Variants in PKNOX2 observed in about 807,000 individuals in gnomAD.
PKNOX2 encodes the protein homeobox protein PKNOX2.
Under a neutral mutation model 53.1 loss-of-function variants are expected in PKNOX2, and 14 were observed. The ratio of observed to expected loss-of-function variants is 0.26; its 90% CI spans 0.17 to 0.41. The LOEUF (loss-of-function observed/expected upper bound fraction) is 0.41, where lower values mean the gene tolerates loss of function less well. PKNOX2 is among the 10% of genes least tolerant of loss of function. The probability of loss-of-function intolerance (pLI) is 1.00; values close to 1 mark genes in which losing one functional copy is unlikely to be tolerated. For synonymous variants in PKNOX2, 257 were observed against 242.8 expected, an observed-to-expected ratio of 1.06 and a Z score of -0.54; for missense variants, 496 against 602.8, an observed-to-expected ratio of 0.82 and a Z score of 1.85.
intron 2 of PKNOX2, among the ~76,000 whole-genome samples, chr11:125,310,919 T>C (rs1213390268): frequency 1.3e-5 from 2 of 152,178 alleles, no homozygotes; most frequent in African/African-American, 4.8e-5. Flanking sequence ...GGTAACCTCA[T>C]ATGTCTGCCC....
intron 1 of PKNOX2, among the ~76,000 whole-genome samples, chr11:125,184,926 C>T (rs557958939): frequency 1.2e-4 from 18 of 152,326 alleles, no homozygotes; most frequent in African/African-American, 2.6e-4. Context: ...GGGTAGGCAA[C>T]GTCCAGGGCT....
At chr11:125,335,641 T>G (rs1483548704) in intron 3 of PKNOX2, among the ~76,000 whole-genome samples, 1 of 152,140 alleles carries the variant, frequency 6.6e-6, no homozygotes. Flanking sequence ...TCTTATCTAC[T>G]GCAAAAAGAG....
At chr11:125,229,731 C>T (rs973811611) in intron 1 of PKNOX2, among the ~76,000 whole-genome samples, 9 of 152,082 alleles carry the variant, frequency 5.9e-5, no homozygotes, top group Admixed American at 2.0e-4. Context: ...ATTAGTAAGT[C>T]TTGGGTCTTG....
At chr11:125,379,209 T>C (rs1283618245) in intron 5 of PKNOX2, among the ~76,000 whole-genome samples, 1 of 151,912 alleles carries the variant, frequency 6.6e-6, no homozygotes, top group African/African-American at 2.4e-5. Context: ...TAAAGGCACG[T>C]GCCACCATGT....
chr11:125,173,155 C>T (rs1955448144), intron 1 of PKNOX2, among the ~76,000 whole-genome samples: 2 of 152,152 alleles, frequency 1.3e-5, no homozygotes, highest in South Asian at 4.1e-4. Context: ...TTTAAGACTG[C>T]TGTGAAAACT....
intron 2 of PKNOX2, among the ~76,000 whole-genome samples, chr11:125,272,217 G>T (rs1223738454): frequency 6.6e-6 from 1 of 152,202 alleles, no homozygotes; most frequent in East Asian, 1.9e-4. Context: ...TGTGAGGAAA[G>T]CTCTCCAGGT....
At chr11:125,246,857 C>G (rs1331327071) in intron 2 of PKNOX2, among the ~76,000 whole-genome samples, 2 of 152,116 alleles carry the variant, frequency 1.3e-5, no homozygotes, top group African/African-American at 2.4e-5. Flanking sequence ...GATGGGCAAC[C>G]CCTGCTTCAG....
At chr11:125,170,814 G>A (rs1591467455) in intron 1 of PKNOX2, among the ~76,000 whole-genome samples, 1 of 151,882 alleles carries the variant, frequency 6.6e-6, no homozygotes, top group African/African-American at 2.4e-5. Flanking sequence ...TGGCTGGAAT[G>A]TGGAGAAAAG....
At position 125,422,313 on chromosome 11, in the gene PKNOX2, A is replaced by G. The variant is rs1313621120; in HGVS notation, c.937-6699A>G. Among the ~76,000 whole-genome samples the G allele has an allele frequency of 1.3e-5, 2 of 152,126 alleles. No homozygotes were observed. Among genetic ancestry groups the G allele is most frequent in the African/African-American group, 2.4e-5 (1 of 41,412 alleles). Reference sequence around the variant, plus strand: ...CTTTAGTGTACGGCTACCAGGAGGAAGGAGGTCAGGCCAGCTGGGTTCTTG... The same window carrying G: ...CTTTAGTGTACGGCTACCAGGAGGAGGGAGGTCAGGCCAGCTGGGTTCTTG... On this transcript the variant is annotated intron_variant, in intron 10 of 12. Transcript: ENST00000298282. The surrounding 1 kb of genome is among the most constrained non-coding windows in gnomAD (Gnocchi z 4.1).
chr11:125,335,111 C>T (rs997022841), intron 3 of PKNOX2, among the ~76,000 whole-genome samples: 1 of 152,168 alleles, frequency 6.6e-6, no homozygotes, highest in African/African-American at 2.4e-5. Flanking sequence ...ATTAAAACTG[C>T]TTCTTTCCCA....
intron 10 of PKNOX2, among the ~76,000 whole-genome samples, chr11:125,428,271 A>G (rs75863651): frequency 6.6e-6 from 1 of 151,970 alleles, no homozygotes; most frequent in Non-Finnish European, 1.5e-5. Flanking sequence ...TCAGTCCTAT[A>G]AAGTGGCATC....
intron 10 of PKNOX2, 131 bp from the exon 11 acceptor site, chr11:125,428,881 T>G (rs1956558919): frequency 1.2e-6 from 1 of 844,626 alleles, no homozygotes; most frequent in African/African-American, 1.7e-5. Context: ...AACATGACAC[T>G]TCCCCAATTT....
intron 3 of PKNOX2, among the ~76,000 whole-genome samples, chr11:125,341,733 C>A (rs1022801492): frequency 9.2e-5 from 14 of 152,268 alleles, no homozygotes; most frequent in Middle Eastern, 3.2e-3. Flanking sequence ...ATACAGAACA[C>A]CTTGGTAGCG....
rs567580551 is a variant in PKNOX2 at position 125,418,340 on chromosome 11, C to G, written c.936+6475C>G. Among the ~76,000 whole-genome samples the G allele has an allele frequency of 2.0e-5, 3 of 152,176 alleles. No individual in the cohort carries two copies. The South Asian group carries it at 6.2e-4, about 32-fold the overall frequency. On this transcript the variant is annotated intron_variant, in intron 10 of 12. Coordinates refer to ENST00000298282, the MANE Select transcript of PKNOX2 (RefSeq NM_001382323.2). ...ACAGATGTAGCACATTTTGTTTATT[C>G]ATTTATCAGTTGATGGACTTTGGGG...
intron 2 of PKNOX2, among the ~76,000 whole-genome samples, chr11:125,276,107 G>A (rs1229139189): frequency 6.6e-6 from 1 of 152,224 alleles, no homozygotes; most frequent in African/African-American, 2.4e-5. Context: ...TTGACCTGCT[G>A]TGCCAAATGC....
chr11:125,325,688 C>G (rs1949784274), intron 2 of PKNOX2, among the ~76,000 whole-genome samples: 2 of 152,210 alleles, frequency 1.3e-5, no homozygotes, highest in South Asian at 4.1e-4. Flanking sequence ...GTAATACTAT[C>G]AAATCCCAGG....
intron 1 of PKNOX2, among the ~76,000 whole-genome samples, chr11:125,190,586 C>G (rs1056864558): frequency 6.6e-6 from 1 of 152,154 alleles, no homozygotes; most frequent in African/African-American, 2.4e-5. Flanking sequence ...TTTGGTCTCC[C>G]TCTTTTGGTT....
chr11:125,309,135 CTTT>C (rs1948642858), intron 2 of PKNOX2, among the ~76,000 whole-genome samples: 3 of 113,894 alleles, frequency 2.6e-5, no homozygotes, highest in Non-Finnish European at 3.8e-5. Context: ...CTCTTCCTTT[CTTT>C]CTTTCTTTCT....
intron 5 of PKNOX2, among the ~76,000 whole-genome samples, chr11:125,376,291 G>A (rs943492517): frequency 7.9e-5 from 12 of 152,322 alleles, no homozygotes; most frequent in African/African-American, 2.2e-4. Flanking sequence ...CGAACACACC[G>A]CCCACTGGGC....
Sources: gnomAD v4.1 joint callset for allele counts (sites outside exome capture counted in the v4.1 genomes callset) on GRCh38, gnomAD v4.1.1 for gene constraint, Gnocchi (gnomAD v3.1) non-coding constraint, MANE v1.5 for transcripts, NCBI Gene and HGNC (gene_info 2026-07-23, HGNC 2026-07-21) for gene names.